The following LMNTD1 variants were observed in gnomAD, a reference collection of about 807,000 sequenced individuals.
LMNTD1 encodes the protein lamin tail domain containing 1.
In LMNTD1, 35 loss-of-function variants were observed where a neutral mutation model predicts 50.9. The observed-to-expected ratio is 0.69, with a 90% CI of 0.53 to 0.91. LMNTD1 has a LOEUF of 0.91. Among genes scored for constraint, LMNTD1 ranks in the 40% least tolerant of loss-of-function variants. LMNTD1 has a pLI of 0.00. For missense variants in LMNTD1, 470 were observed against 475.5 expected, an observed-to-expected ratio of 0.99 and a Z score of 0.11; for synonymous variants, 153 against 161.9, an observed-to-expected ratio of 0.94 and a Z score of 0.42.
chr12:25,536,786 G>A (rs937244886), intron 4 of LMNTD1, among the ~76,000 whole-genome samples: 3 of 152,266 alleles, frequency 2.0e-5, no homozygotes, highest in Admixed American at 6.5e-5. Context: ...CGCAGAAGAC[G>A]GGTGATTTCT....
At chr12:25,603,669 T>G (rs952568610) in intron 1 of LMNTD1, among the ~76,000 whole-genome samples, 14 of 152,064 alleles carry the variant, frequency 9.2e-5, no homozygotes, top group African/African-American at 3.4e-4. Context: ...AGACGATTCC[T>G]GTCCTCACGA....
chr12:25,547,022 TAA>T (rs1310597486), intron 3 of LMNTD1, among the ~76,000 whole-genome samples: 2 of 151,690 alleles, frequency 1.3e-5, no homozygotes, highest in African/African-American at 4.8e-5. Flanking sequence ...TCTTGCCAGG[TAA>T]AGACTTAAAC....
Position 25,613,342 on chromosome 12 carries a change from G to A in LMNTD1, c.58+35152C>T, listed in dbSNP as rs369589920. Reference sequence around the variant, plus strand: ...ATCAAGATAAGCTTAGGAACCAAAAGACCTGTGTGTGTTTTGACTCTACCG... The same window carrying A: ...ATCAAGATAAGCTTAGGAACCAAAAAACCTGTGTGTGTTTTGACTCTACCG... On this transcript the variant is annotated intron_variant, in intron 1 of 7. Transcript: ENST00000445693. Among the ~76,000 whole-genome samples the A allele has an allele frequency of 1.6e-4, 25 of 152,272 alleles. No individual in the cohort carries two copies. The East Asian group carries it at 3.5e-3, about 21-fold the overall frequency.
intron 1 of LMNTD1, among the ~76,000 whole-genome samples, chr12:25,587,745 T>C (rs1188175972): frequency 6.6e-6 from 1 of 152,236 alleles, no homozygotes; most frequent in Non-Finnish European, 1.5e-5. Context: ...TTTTTCTTCT[T>C]TCTTCCTTTT....
intron 1 of LMNTD1, among the ~76,000 whole-genome samples, chr12:25,642,936 C>T (rs751936068): frequency 6.6e-6 from 1 of 152,138 alleles, no homozygotes; most frequent in Non-Finnish European, 1.5e-5. Context: ...AGTCATGCCA[C>T]GTCTATGATA....
intron 4 of LMNTD1, among the ~76,000 whole-genome samples, chr12:25,541,318 T>G (rs1416400424): frequency 7.0e-6 from 1 of 142,676 alleles, no homozygotes; most frequent in East Asian, 2.1e-4. Flanking sequence ...ACTACCTGAC[T>G]TCAAACTATA....
At chr12:25,606,060 G>C (rs541921161) in intron 1 of LMNTD1, among the ~76,000 whole-genome samples, 332 of 152,290 alleles carry the variant, frequency 2.2e-3, no homozygotes, top group Non-Finnish European at 3.7e-3. Flanking sequence ...TCCCTTGTAA[G>C]TTGGATTCCT....
At chr12:25,619,558 G>A (rs1324664519) in intron 1 of LMNTD1, among the ~76,000 whole-genome samples, 1 of 152,066 alleles carries the variant, frequency 6.6e-6, no homozygotes, top group Non-Finnish European at 1.5e-5. Flanking sequence ...TGTGAAGTTT[G>A]AGAGAGTTTT....
intron 6 of LMNTD1, among the ~76,000 whole-genome samples, chr12:25,524,978 A>G (rs1366827590): frequency 2.0e-5 from 3 of 152,208 alleles, no homozygotes; most frequent in African/African-American, 7.2e-5. Flanking sequence ...GGGAAAGTCC[A>G]TCTCAACATA....
At chr12:25,495,290 G>A (rs1939024629) in intron 9 of LMNTD1, among the ~76,000 whole-genome samples, 2 of 147,670 alleles carry the variant, frequency 1.4e-5, no homozygotes, top group African/African-American at 5.1e-5. Flanking sequence ...GTGTAGGCAG[G>A]ATAGTTTAAA....
chr12:25,582,994 C>T (rs554314230), intron 1 of LMNTD1, among the ~76,000 whole-genome samples: 1 of 150,874 alleles, frequency 6.6e-6, no homozygotes, highest in East Asian at 2.0e-4. Context: ...ACTACAGGTT[C>T]GTGACACCAT....
At chr12:25,625,672 C>T (rs1424050535) in intron 1 of LMNTD1, among the ~76,000 whole-genome samples, 3 of 152,212 alleles carry the variant, frequency 2.0e-5, no homozygotes, top group African/African-American at 4.8e-5. Flanking sequence ...ATCTTTCTGT[C>T]ATCATCTAAG....
chr12:25,553,520 G>C (rs1231933485), upstream of LMNTD1, among the ~76,000 whole-genome samples: 1 of 152,010 alleles, frequency 6.6e-6, no homozygotes, highest in Non-Finnish European at 1.5e-5. Flanking sequence ...GTACATACTG[G>C]GGAAATTAAT....
intron 8 of LMNTD1, among the ~76,000 whole-genome samples, chr12:25,511,021 G>T (rs573297463): frequency 1.5e-4 from 23 of 152,168 alleles, no homozygotes; most frequent in Admixed American, 1.2e-3. Context: ...GTTCTTTGGA[G>T]ATAGTGACAT....
chr12:25,554,580 G>A (rs984145831), upstream of LMNTD1, among the ~76,000 whole-genome samples: 2 of 152,204 alleles, frequency 1.3e-5, no homozygotes, highest in African/African-American at 4.8e-5. Flanking sequence ...GTGAACCATA[G>A]AGAGCATTTT....
chr12:25,569,069 C>A (rs1465242162), intron 1 of LMNTD1, among the ~76,000 whole-genome samples: 2 of 152,212 alleles, frequency 1.3e-5, no homozygotes, highest in Non-Finnish European at 2.9e-5. Context: ...GAGCTACTGG[C>A]AGCTTGCCCT....
chr12:25,543,117 C>G (rs1024121444), intron 4 of LMNTD1, among the ~76,000 whole-genome samples: 1 of 151,904 alleles, frequency 6.6e-6, no homozygotes, highest in Non-Finnish European at 1.5e-5. Flanking sequence ...TATTTAAAAA[C>G]AATTTATAGT....
chr12:25,593,181 G>C (rs1945751384), intron 1 of LMNTD1, among the ~76,000 whole-genome samples: 1 of 151,912 alleles, frequency 6.6e-6, no homozygotes. Context: ...GGGAGTTCTA[G>C]GGCCCCACTC....
intron 1 of LMNTD1, among the ~76,000 whole-genome samples, chr12:25,576,445 T>A (rs1423522858): frequency 6.6e-6 from 1 of 152,260 alleles, no homozygotes; most frequent in African/African-American, 2.4e-5. Context: ...TGGCCAGTGA[T>A]GATGAGCATT....
Sources: gnomAD v4.1 joint callset for allele counts (sites outside exome capture counted in the v4.1 genomes callset) on GRCh38, gnomAD v4.1.1 for gene constraint, MANE v1.5 for transcripts, NCBI Gene and HGNC (gene_info 2026-07-23, HGNC 2026-07-21) for gene names.